The following PHF21B variants were observed in gnomAD, a reference collection of about 807,000 sequenced individuals.
PHF21B encodes the protein PHD finger protein 4.
A neutral mutation model predicts 62.2 loss-of-function variants in PHF21B; 22 were observed. The ratio of observed to expected loss-of-function variants is 0.35; its 90% confidence interval spans 0.25 to 0.51. The LOEUF (loss-of-function observed/expected upper bound fraction) is 0.51. Among genes scored for constraint, PHF21B ranks in the 20% least tolerant of loss-of-function variants. PHF21B has a pLI of 0.97. For synonymous variants in PHF21B, 341 were observed against 314.7 expected, an observed-to-expected ratio of 1.08 and a Z score of -0.88; for missense variants, 701 against 707.9, an observed-to-expected ratio of 0.99 and a Z score of 0.11.
At chr22:44,962,536 A>C (rs2072444037) in intron 2 of PHF21B, among the ~76,000 whole-genome samples, 1 of 152,210 alleles carries the variant, frequency 6.6e-6, no homozygotes, top group Non-Finnish European at 1.5e-5. Flanking sequence ...CAAAATTCGA[A>C]GTATGTTTTC....
intron 2 of PHF21B, among the ~76,000 whole-genome samples, chr22:44,924,449 C>T (rs1416376718): frequency 1.3e-5 from 2 of 152,174 alleles, no homozygotes; most frequent in Admixed American, 1.3e-4. Context: ...TCCTAACCCT[C>T]AATGTGATGG....
At chr22:44,946,383 C>T (rs1280752812) in intron 2 of PHF21B, among the ~76,000 whole-genome samples, 1 of 152,166 alleles carries the variant, frequency 6.6e-6, no homozygotes, top group African/African-American at 2.4e-5. Context: ...TCCTGCTGGG[C>T]TCTCATCTCT....
rs916333012 is a variant in PHF21B at position 44,904,659 on chromosome 22, G to A, written c.832-8576C>T. On this transcript the variant is annotated intron_variant, in intron 5 of 12. Transcript: ENST00000313237. ...GGCAAGAAGTGTTAGTGTCGTCAGA[G>A]GCAGCAGAGGTCAGGGCTGGGCAGC... is the stretch of plus-strand genomic sequence containing the variant. Among the ~76,000 whole-genome samples the A allele has an allele frequency of 4.5e-5, 6 of 134,736 alleles. 1 individual carries two copies. Among genetic ancestry groups the A allele is most frequent in the Admixed American group, 3.1e-4 (4 of 13,066 alleles). The allele number at this position is 134,736 out of a possible 152,430, so 88.4% of individuals were successfully genotyped here.
chr22:44,998,485 T>A (rs567709206), intron 2 of PHF21B, among the ~76,000 whole-genome samples: 20 of 152,262 alleles, frequency 1.3e-4, no homozygotes, highest in Admixed American at 2.6e-4. Context: ...GACCGGGGCC[T>A]CAGTTTCCCT....
At chr22:44,995,343 C>G (rs1418292140) in intron 2 of PHF21B, among the ~76,000 whole-genome samples, 1 of 152,154 alleles carries the variant, frequency 6.6e-6, no homozygotes, top group Non-Finnish European at 1.5e-5. Context: ...GTTCCCCATT[C>G]AAGTCCACTC....
chr22:44,945,320 G>A (rs896681371), intron 2 of PHF21B, among the ~76,000 whole-genome samples: 1 of 152,298 alleles, frequency 6.6e-6, no homozygotes, highest in Middle Eastern at 3.4e-3. Flanking sequence ...CTCCCCCAGC[G>A]CCCTGTGAAT....
chr22:44,967,609 A>G (rs1049177224), intron 2 of PHF21B, among the ~76,000 whole-genome samples: 3 of 152,230 alleles, frequency 2.0e-5, no homozygotes, highest in East Asian at 1.9e-4. Context: ...AGCATTCCCC[A>G]GTAGCCCACG....
chr22:44,905,770 A>G (rs997864635), intron 5 of PHF21B, among the ~76,000 whole-genome samples: 3 of 152,168 alleles, frequency 2.0e-5, no homozygotes, highest in Non-Finnish European at 2.9e-5. Flanking sequence ...CTGGGACTAC[A>G]GGCACCCGCC....
At chr22:44,986,430 T>C (rs73180234) in intron 2 of PHF21B, among the ~76,000 whole-genome samples, 349 of 149,398 alleles carry the variant, frequency 2.3e-3, no homozygotes, top group Non-Finnish European at 3.9e-3. Flanking sequence ...TGCATCCGCA[T>C]GATCCAATCC....
intron 2 of PHF21B, chr22:44,989,597 A>T (rs1237965434): frequency 6.9e-6 from 1 of 145,436 alleles, no homozygotes; most frequent in African/African-American, 2.6e-5. Context: ...AAGCCACCAC[A>T]ACTCGACTTT....
At chr22:44,958,598 A>T (rs1439603620) in intron 2 of PHF21B, among the ~76,000 whole-genome samples, 300 of 75,858 alleles carry the variant, frequency 4.0e-3, no homozygotes, top group Admixed American at 5.2e-3. Context: ...CCTTCCTTTG[A>T]TTTTTTTTTT....
At chr22:44,965,022 C>T (rs1398828701) in intron 2 of PHF21B, among the ~76,000 whole-genome samples, 1 of 152,184 alleles carries the variant, frequency 6.6e-6, no homozygotes, top group African/African-American at 2.4e-5. Context: ...CTCAGGGGCT[C>T]ACGTCCTTTC....
Position 45,009,375 on chromosome 22 carries a change from C to T in PHF21B, c.54+121G>A, listed in dbSNP as rs1448064056. On this transcript the variant is annotated intron_variant, in intron 1 of 12. Transcript: ENST00000313237. The surrounding 1 kb of genome is among the most constrained non-coding windows in gnomAD (Gnocchi z 5.9). ...TGCTCACTCCCTCGCCCCCCGCCCC[C>T]GGGCAGGCTCCAGCCTGGAAGACCC... 2.8e-6 allele frequency: 3 copies of T among 1,063,320 alleles called. No individual in the cohort carries two copies. The highest frequency in any genetic ancestry group is 1.7e-5 in the South Asian group (1 of 58,684). 65.9% of individuals were successfully genotyped at this position (1,063,320 alleles called of 1,614,324 possible).
intron 9 of PHF21B, among the ~76,000 whole-genome samples, chr22:44,889,464 T>A (rs928021756): frequency 6.6e-5 from 10 of 152,232 alleles, no homozygotes; most frequent in African/African-American, 2.4e-4. Context: ...ACCAGCTGGC[T>A]GCTTCCAGTT....
intron 2 of PHF21B, among the ~76,000 whole-genome samples, chr22:44,945,231 A>G (rs753225412): frequency 1.7e-4 from 26 of 152,086 alleles, no homozygotes; most frequent in Non-Finnish European, 3.1e-4. Flanking sequence ...CCGTGTTGGG[A>G]GGCCCATGGG....
intron 2 of PHF21B, among the ~76,000 whole-genome samples, chr22:44,963,240 G>A (rs1053675063): frequency 6.6e-5 from 10 of 152,202 alleles, no homozygotes; most frequent in East Asian, 1.9e-4. Flanking sequence ...CAGCAGCCCC[G>A]AGGGCAAGAC....
intron 5 of PHF21B, among the ~76,000 whole-genome samples, chr22:44,912,189 C>T (rs963420951): frequency 1.3e-5 from 2 of 152,226 alleles, no homozygotes; most frequent in African/African-American, 4.8e-5. Context: ...TTTGATTTTA[C>T]AGGCTCATAG....
chr22:44,941,802 C>T (rs2071963079), intron 2 of PHF21B, among the ~76,000 whole-genome samples: 1 of 152,162 alleles, frequency 6.6e-6, no homozygotes, highest in Non-Finnish European at 1.5e-5. Context: ...ACGGCAGGGG[C>T]ACAGGCTGGG....
At position 45,009,697 on chromosome 22, in the gene PHF21B, G is replaced by A. The variant is rs1177662926; in HGVS notation, c.-148C>T. ...CGAGCCCCCTCCCCCACGGCCGAAA[G>A]GGAAGGGGGCTGGCGAAGGGGAAGA... On this transcript the variant is annotated 5_prime_UTR_variant, in exon 1 of 13. Transcript: ENST00000313237. The surrounding 1 kb of genome is among the most constrained non-coding windows in gnomAD (Gnocchi z 5.9). The A allele has an allele frequency of 7.1e-6, 5 of 700,736 alleles. No individual in the cohort carries two copies. The highest frequency in any genetic ancestry group is 1.1e-5 in the Non-Finnish European group (5 of 464,520). 43.4% of individuals were successfully genotyped at this position (700,736 alleles called of 1,614,324 possible).
Sources: gnomAD v4.1 joint callset for allele counts (sites outside exome capture counted in the v4.1 genomes callset) on GRCh38, gnomAD v4.1.1 for gene constraint, Gnocchi (gnomAD v3.1) non-coding constraint, MANE v1.5 for transcripts, NCBI Gene and HGNC (gene_info 2026-07-23, HGNC 2026-07-21) for gene names.